The following CEP85L variants were observed in gnomAD, a reference collection of about 807,000 sequenced individuals.
The protein encoded by CEP85L is centrosomal protein of 85 kDa-like.
In CEP85L, 60 loss-of-function variants were observed where a neutral mutation model predicts 100.3. That is an observed-to-expected ratio of 0.60 (90% CI 0.49 to 0.74). The LOEUF (loss-of-function observed/expected upper bound fraction) is 0.74. Among genes scored for constraint, CEP85L ranks in the 30% least tolerant of loss-of-function variants. CEP85L has a pLI of 0.00. For synonymous variants in CEP85L, 319 were observed against 322.7 expected, an observed-to-expected ratio of 0.99 and a Z score of 0.12; for missense variants, 973 against 936.2, an observed-to-expected ratio of 1.04 and a Z score of -0.51.
chr6:118,583,446 G>A (rs1008657419), intron 2 of CEP85L, among the ~76,000 whole-genome samples: 2 of 152,062 alleles, frequency 1.3e-5, no homozygotes, highest in African/African-American at 2.4e-5. Flanking sequence ...ATTTAAACAT[G>A]CCTTTTTAAT....
intron 1 of CEP85L, among the ~76,000 whole-genome samples, chr6:118,633,556 G>C (rs142558433): frequency 1.1e-3 from 168 of 152,198 alleles, no homozygotes; most frequent in African/African-American, 3.9e-3. Flanking sequence ...GTTTTTCAAT[G>C]TTCTTTCAAT....
chr6:118,592,341 T>C (rs1201316117), intron 2 of CEP85L, among the ~76,000 whole-genome samples: 1 of 151,534 alleles, frequency 6.6e-6, no homozygotes, highest in South Asian at 2.1e-4. Flanking sequence ...TTTTTTTTTT[T>C]TTTTTTTGAT....
intron 2 of CEP85L, among the ~76,000 whole-genome samples, chr6:118,622,873 G>C (rs1250916804): frequency 1.3e-5 from 2 of 152,214 alleles, no homozygotes; most frequent in African/African-American, 4.8e-5. Flanking sequence ...CAAAACTGCT[G>C]CTAAGCAGGA....
At chr6:118,511,266 TA>T in intron 5 of CEP85L, 31 bp downstream of exon 5, 1 of 1,375,070 alleles carries the variant, frequency 7.3e-7, no homozygotes, top group Non-Finnish European at 1.0e-6. Flanking sequence ...GCTTTACTAC[TA>T]AAACAGCTAC....
intron 3 of CEP85L, among the ~76,000 whole-genome samples, chr6:118,542,763 T>C (rs181096054): frequency 2.0e-5 from 3 of 151,930 alleles, no homozygotes; most frequent in African/African-American, 4.8e-5. Flanking sequence ...TGAGACTTAA[T>C]AGCCCACGCC....
intron 2 of CEP85L, among the ~76,000 whole-genome samples, chr6:118,614,545 A>G (rs1772883088): frequency 6.6e-6 from 1 of 152,222 alleles, no homozygotes; most frequent in African/African-American, 2.4e-5. Flanking sequence ...CAAGATAAAT[A>G]TACAAAAAGC....
chr6:118,572,102 C>T (rs1028214085), intron 2 of CEP85L, among the ~76,000 whole-genome samples: 11 of 151,988 alleles, frequency 7.2e-5, no homozygotes, highest in South Asian at 6.2e-4. Context: ...GTGATCTGCC[C>T]GCCTTGCCCT....
chr6:118,607,298 G>A (rs1230615318), intron 2 of CEP85L, among the ~76,000 whole-genome samples: 1 of 152,188 alleles, frequency 6.6e-6, no homozygotes. Context: ...GAGAAGGAAA[G>A]TATTGCCTGT....
chr6:118,574,804 C>T (rs10155773), intron 2 of CEP85L, among the ~76,000 whole-genome samples: 4,402 of 152,266 alleles, frequency 0.029, 108 homozygotes, highest in African/African-American at 0.056. Context: ...ATGAGACATA[C>T]AATTAAGTGC....
intron 2 of CEP85L, among the ~76,000 whole-genome samples, chr6:118,568,932 C>G (rs1208389426): frequency 6.6e-6 from 1 of 151,792 alleles, no homozygotes; most frequent in Non-Finnish European, 1.5e-5. Flanking sequence ...ATCATAGCCT[C>G]TAAAAGATAT....
intron 10 of CEP85L, among the ~76,000 whole-genome samples, chr6:118,471,719 C>T (rs905632604): frequency 6.6e-6 from 1 of 150,570 alleles, no homozygotes; most frequent in African/African-American, 2.4e-5. Context: ...AACTCTATAA[C>T]AAGTGTTTCT....
intron 2 of CEP85L, among the ~76,000 whole-genome samples, chr6:118,567,249 GTATATATA>G (rs57181233): frequency 3.4e-4 from 15 of 43,770 alleles, no homozygotes; most frequent in Admixed American, 1.3e-3. Context: ...GTGTGTGTGT[GTATATATA>G]TATATATATA....
intron 3 of CEP85L, among the ~76,000 whole-genome samples, chr6:118,532,684 G>C (rs1251268280): frequency 3.3e-5 from 5 of 152,126 alleles, no homozygotes; most frequent in African/African-American, 9.6e-5. Context: ...GAAAGGATTG[G>C]GGGAAAAGTA....
At chr6:118,648,739 C>CAAAAA (rs11442696) in intron 1 of CEP85L, among the ~76,000 whole-genome samples, 1 of 73,318 alleles carries the variant, frequency 1.4e-5, no homozygotes, top group African/African-American at 4.4e-5. Context: ...AAGACTGTCT[C>CAAAAA]AAAAAAAAAA....
intron 2 of CEP85L, among the ~76,000 whole-genome samples, chr6:118,599,591 T>C (rs1467735724): frequency 3.3e-5 from 5 of 152,054 alleles, no homozygotes; most frequent in Non-Finnish European, 7.4e-5. Context: ...GTGACTTGCT[T>C]CCAAAAAATA....
chr6:118,473,584 C>CA (rs1213076377), intron 10 of CEP85L, among the ~76,000 whole-genome samples: 3 of 152,008 alleles, frequency 2.0e-5, no homozygotes, highest in Non-Finnish European at 4.4e-5. Context: ...AATGAGGATC[C>CA]ACTGAAGAGT....
chr6:118,604,018 T>C (rs561519837), intron 2 of CEP85L, among the ~76,000 whole-genome samples: 7 of 152,344 alleles, frequency 4.6e-5, no homozygotes, highest in Admixed American at 4.6e-4. Context: ...GAGTTTCCCA[T>C]AACTTTGGAA....
chr6:118,501,781 CAG>C, intron 5 of CEP85L: 1 of 1,016,192 alleles, frequency 9.8e-7, no homozygotes, highest in Non-Finnish European at 1.5e-6. Context: ...AGACATCTCA[CAG>C]AGTGGGGAGG....
chr6:118,498,974 T>C (rs772094898), intron 5 of CEP85L, among the ~76,000 whole-genome samples: 49 of 152,326 alleles, frequency 3.2e-4, no homozygotes, highest in South Asian at 4.1e-4. Context: ...AATCCCAAAA[T>C]ACCTGGAGAT....
Sources: gnomAD v4.1 joint callset for allele counts (sites outside exome capture counted in the v4.1 genomes callset) on GRCh38, gnomAD v4.1.1 for gene constraint, MANE v1.5 for transcripts, NCBI Gene and HGNC (gene_info 2026-07-23, HGNC 2026-07-21) for gene names.